GPR180: variants seen among roughly 807,000 people sequenced by gnomAD.
The protein encoded by GPR180 is integral membrane protein GPR180.
In GPR180, 53 loss-of-function variants were observed where a neutral mutation model predicts 52.6. That is an observed-to-expected ratio of 1.01 (90% confidence interval 0.81 to 1.27). The LOEUF is 1.27. Among genes scored for constraint, GPR180 ranks in the 50% most tolerant of loss-of-function variants. GPR180 has a pLI of 0.00. For missense variants in GPR180, 533 were observed against 527.0 expected, an observed-to-expected ratio of 1.01 and a Z score of -0.11; for synonymous variants, 200 against 193.1, an observed-to-expected ratio of 1.04 and a Z score of -0.30.
intron 2 of GPR180, 94 bp from the exon 3 acceptor site, chr13:94,612,096 A>G (rs1889713599): frequency 1.1e-6 from 1 of 952,284 alleles, no homozygotes; most frequent in Admixed American, 2.2e-5. Context: ...ATAAAAATTA[A>G]AAGATTGTCC....
chr13:94,619,366 C>T lies in GPR180; in HGVS notation c.686+36C>T, dbSNP rs1326440612. ...ACCACTAAAACTGTGTTCATCATTA[C>T]ATCTAATTAATCCTAATTAGTCCAC... is the stretch of plus-strand genomic sequence containing the variant. On this transcript the variant is annotated intron_variant, in intron 4 of 8. Transcript: ENST00000376958. 4 of 1,606,600 alleles carry T rather than the reference C, an allele frequency of 2.5e-6. No individual in the cohort carries two copies. In the South Asian group the frequency reaches 4.4e-5, roughly 18 times the overall value.
intron 6 of GPR180, 84 bp downstream of exon 6, chr13:94,621,319 G>A: frequency 1.9e-6 from 2 of 1,063,110 alleles, no homozygotes; most frequent in Non-Finnish European, 1.3e-6. Flanking sequence ...TTGAAACCTG[G>A]GACCCATAAG....
Position 94,605,723 on chromosome 13 carries a change from TTCA to T in GPR180, c.304+177_304+179del, listed in dbSNP as rs142140199. 2.6e-3 allele frequency among the ~76,000 whole-genome samples: 398 copies of T among 152,322 alleles called. 2 individuals are homozygous for T. Among genetic ancestry groups the T allele is most frequent in the African/African-American group, 9.1e-3 (378 of 41,564 alleles). On this transcript the variant is annotated intron_variant, in intron 2 of 8. Coordinates refer to ENST00000376958, the MANE Select transcript of GPR180 (RefSeq NM_180989.6). ...TAACAGTGCCTTTCCCTTTTTATCA[TTCA>T]TCGTTTTTGAAAAAAAAATCCAGAT...
intron 8 of GPR180, among the ~76,000 whole-genome samples, chr13:94,626,297 T>C (rs1045797344): frequency 2.0e-5 from 3 of 152,146 alleles, no homozygotes; most frequent in African/African-American, 7.2e-5. Context: ...GAAATTTTGT[T>C]TTATAAATTA....
chr13:94,627,231 A>G lies in GPR180; in HGVS notation c.*60A>G, dbSNP rs147648744. 42 of 1,430,804 alleles carry G rather than the reference A, an allele frequency of 2.9e-5. No homozygotes were observed. In the African/African-American group the frequency reaches 5.7e-4, roughly 20 times the overall value. 88.6% of individuals were successfully genotyped at this position (1,430,804 alleles called of 1,614,324 possible). The stretch of plus-strand genomic sequence containing the variant: ...TTAAAAGAGTGCAATAAGGATCCAA[A>G]TACAGTGACTTTTTTTTCATACATT... On this transcript the variant is annotated 3_prime_UTR_variant, in exon 9 of 9. Transcript: ENST00000376958.
In GPR180 at chr13:94,631,758, TC is replaced by T. The variant is rs942996106; in HGVS notation, c.*4588del. 7.9e-5 allele frequency: 12 copies of T among 151,958 alleles called. No individual in the cohort carries two copies. The highest frequency in any genetic ancestry group is 1.3e-4 in the Non-Finnish European group (9 of 67,992). 9.4% of individuals were successfully genotyped at this position (151,958 alleles called of 1,614,324 possible). On this transcript the variant is annotated 3_prime_UTR_variant, in exon 9 of 9. Coordinates refer to ENST00000376958, the MANE Select transcript of GPR180 (RefSeq NM_180989.6). ...CAATAATACCTTGCCTATTCTTTGT[TC>T]AATTGCATGGAACTTGGTAGTGTGT...
intron 7 of GPR180, among the ~76,000 whole-genome samples, chr13:94,624,018 C>T (rs1889890818): frequency 6.6e-6 from 1 of 152,232 alleles, no homozygotes; most frequent in Non-Finnish European, 1.5e-5. Flanking sequence ...TATCCTTCAG[C>T]ATAAGCAGCT....
rs767929868 is a variant in GPR180, at chr13:94,629,441, T to A, written c.*2270T>A. On this transcript the variant is annotated 3_prime_UTR_variant, in exon 9 of 9. Transcript: ENST00000376958. ...TGTGTATAATAAGATGGGTGCCTAC[T>A]GTGATGCATTTTACCAGGCATTTTA... 1 of 152,204 alleles carries A rather than the reference T, an allele frequency of 6.6e-6. No homozygotes were observed. Among genetic ancestry groups the A allele is most frequent in the Non-Finnish European group, 1.5e-5 (1 of 68,008 alleles). The allele number at this position is 152,204 out of a possible 1,614,324, so 9.4% of individuals were successfully genotyped here. A position where few individuals can be genotyped will look rare whatever the true frequency, so the allele number is the denominator to read the frequency against.
In GPR180 at chr13:94,601,919, G is replaced by A. The variant is rs1443491674; in HGVS notation, c.-9G>A. 3 of 1,482,036 alleles carry A rather than the reference G, an allele frequency of 2.0e-6. No individual in the cohort carries two copies. Among genetic ancestry groups the A allele is most frequent in the Non-Finnish European group, 2.7e-6 (3 of 1,121,590 alleles). 91.8% of individuals were successfully genotyped at this position (1,482,036 alleles called of 1,614,324 possible). A position where few individuals can be genotyped will look rare whatever the true frequency, so the allele number is the denominator to read the frequency against. Reference sequence around the variant, plus strand: ...GAGCCGAGGCGTCGGTGCAGACCTGGAGACGGGCATGGGGGGGCTGCGGCT... The same window carrying A: ...GAGCCGAGGCGTCGGTGCAGACCTGAAGACGGGCATGGGGGGGCTGCGGCT... On this transcript the variant is annotated 5_prime_UTR_variant, in exon 1 of 9. Transcript: ENST00000376958.
rs555686709 is a variant in GPR180 at position 94,623,270 on chromosome 13, C to A, written c.1056C>A (p.Leu352=). The A allele has an allele frequency of 1.2e-6, 2 of 1,612,906 alleles. No homozygotes were observed. The highest frequency in any genetic ancestry group is 4.5e-5 in the East Asian group (2 of 44,858). The change falls in exon 7 of 9, where the codon CTC becomes CTA. Residue 352 remains leucine, a synonymous_variant. Transcript: ENST00000376958. ...YQIITVERST[L]KREFYITFAK... is the part of the protein sequence containing the mutation. ...TCATCACAGTGGAGAGAAGTACACT[C>A]AAAAGGGAGTTCTACATCACATTTG... is the stretch of plus-strand genomic sequence containing the variant.
chr13:94,613,597 A>G lies in GPR180; in HGVS notation c.505+1207A>G, dbSNP rs183528957. ...CGCTGCACTTGGCCCTAAATGTTTT[A>G]AAGTGGTTAATTTGAAGTTCTTTCT... is the stretch of plus-strand genomic sequence containing the variant. On this transcript the variant is annotated intron_variant, in intron 3 of 8. Coordinates refer to ENST00000376958, the MANE Select transcript of GPR180 (RefSeq NM_180989.6). Among the ~76,000 whole-genome samples, 404 of 151,904 alleles carry G rather than the reference A, an allele frequency of 2.7e-3. 2 individuals carry two copies. The highest frequency in any genetic ancestry group is 9.2e-3 in the African/African-American group (383 of 41,436).
intron 3 of GPR180, among the ~76,000 whole-genome samples, chr13:94,618,500 T>G (rs1201465385): frequency 6.7e-6 from 1 of 148,626 alleles, no homozygotes; most frequent in African/African-American, 2.5e-5. Context: ...ACAGATATTT[T>G]GAAGGTTTGT....
intron 2 of GPR180, among the ~76,000 whole-genome samples, chr13:94,611,902 A>G (rs1889711380): frequency 1.3e-5 from 2 of 152,048 alleles, no homozygotes; most frequent in African/African-American, 4.8e-5. Context: ...AAAAAAAAAA[A>G]AGAATTCAGA....
chr13:94,615,142 T>G (rs1889760919), intron 3 of GPR180, among the ~76,000 whole-genome samples: 1 of 152,192 alleles, frequency 6.6e-6, no homozygotes, highest in Non-Finnish European at 1.5e-5. Context: ...CTAAAGTTGA[T>G]TCTTATGTAC....
intron 1 of GPR180, among the ~76,000 whole-genome samples, chr13:94,603,887 ACCAGGTTCATT>A (rs1173960403): frequency 6.6e-6 from 1 of 152,206 alleles, no homozygotes; most frequent in Non-Finnish European, 1.5e-5. Flanking sequence ...GGTGTGTGCA[ACCAGGTTCATT>A]CTGTATTCAT....
chr13:94,612,484 A>G (rs1889720928), intron 3 of GPR180, 94 bp downstream of exon 3: 7 of 911,226 alleles, frequency 7.7e-6, no homozygotes, highest in Non-Finnish European at 1.2e-5. Flanking sequence ...AATGAAAGCA[A>G]CCTGTGTTTC....
chr13:94,619,133 C>G lies in GPR180; in HGVS notation c.506-17C>G. On this transcript the variant is annotated splice_polypyrimidine_tract_variant and intron_variant, in intron 3 of 8. Transcript: ENST00000376958. Reference sequence around the variant, plus strand: ...GCTTTGTTTTACTGAAGCAAACTCCCTTTCTTCTCTTCACAGGGTTACATG... The same window carrying G: ...GCTTTGTTTTACTGAAGCAAACTCCGTTTCTTCTCTTCACAGGGTTACATG... The G allele has an allele frequency of 6.2e-7, 1 of 1,600,116 alleles. No homozygotes were observed. Among genetic ancestry groups the G allele is most frequent in the Non-Finnish European group, 8.5e-7 (1 of 1,172,992 alleles).
chr13:94,608,547 A>AT (rs1002333708), intron 2 of GPR180, among the ~76,000 whole-genome samples: 5 of 151,544 alleles, frequency 3.3e-5, no homozygotes, highest in African/African-American at 1.2e-4. Context: ...TACTTCACCA[A>AT]TTTTTTTTTC....
rs1890035306 is a variant in GPR180 at position 94,634,178 on chromosome 13, C to T, written c.*7007C>T. 6.6e-6 allele frequency: 1 copy of T among 151,852 alleles called. No individual in the cohort carries two copies. Among genetic ancestry groups the T allele is most frequent in the Non-Finnish European group, 1.5e-5 (1 of 67,944 alleles). The allele number at this position is 151,852 out of a possible 1,614,324, so 9.4% of individuals were successfully genotyped here. A position where few individuals can be genotyped will look rare whatever the true frequency, so the allele number is the denominator to read the frequency against. ...TTCTGATTTTCAAAAGAAAAAAAAT[C>T]CTGTTTAGTATTCTTAGTGGAATGA... is the stretch of plus-strand genomic sequence containing the variant. On this transcript the variant is annotated 3_prime_UTR_variant, in exon 9 of 9. Coordinates refer to ENST00000376958, the MANE Select transcript of GPR180 (RefSeq NM_180989.6).
Sources: gnomAD v4.1 joint callset for allele counts (sites outside exome capture counted in the v4.1 genomes callset) on GRCh38, gnomAD v4.1.1 for gene constraint, MANE v1.5 for transcripts, NCBI Gene and HGNC (gene_info 2026-07-23, HGNC 2026-07-21) for gene names.